Variants in ADAM12 observed in about 807,000 individuals in gnomAD.
ADAM12 encodes disintegrin and metalloproteinase domain-containing protein 12.
Under a neutral mutation model 106.4 loss-of-function variants are expected in ADAM12, and 70 were observed. The ratio of observed to expected loss-of-function variants is 0.66; its 90% CI spans 0.54 to 0.80. The LOEUF (loss-of-function observed/expected upper bound fraction) is 0.80, where lower values mean the gene tolerates loss of function less well. Ranked by LOEUF, ADAM12 falls within the 30% of genes least tolerant of loss-of-function variation. The pLI, the probability that ADAM12 is intolerant of heterozygous loss-of-function variation, is 0.00. For synonymous variants in ADAM12, 420 were observed against 433.5 expected (o/e 0.97, Z 0.39); for missense variants, 1,010 against 1,171.9 (o/e 0.86, Z 2.02).
At chr10:126,038,994 C>G (rs1954109382) in intron 19 of ADAM12, among the ~76,000 whole-genome samples, 1 of 118,318 alleles carries the variant, frequency 8.5e-6, no homozygotes, top group Non-Finnish European at 1.6e-5. Context: ...GAGTCTTGCT[C>G]TCTCGCCCAG....
intron 21 of ADAM12, among the ~76,000 whole-genome samples, chr10:126,032,852 A>T (rs1387924809): frequency 6.6e-6 from 1 of 152,194 alleles, no homozygotes; most frequent in Non-Finnish European, 1.5e-5. Flanking sequence ...ACTGTCAATA[A>T]ACAGAAGAAA....
chr10:126,190,642 A>G (rs1189171997), intron 3 of ADAM12, among the ~76,000 whole-genome samples: 1 of 152,178 alleles, frequency 6.6e-6, no homozygotes. Flanking sequence ...AAGAGTGTAC[A>G]TTACAGCCTG....
chr10:126,115,714 T>C (rs1459195221), intron 6 of ADAM12, among the ~76,000 whole-genome samples: 1 of 152,204 alleles, frequency 6.6e-6, no homozygotes, highest in Non-Finnish European at 1.5e-5. Flanking sequence ...CAAATGCAGT[T>C]GCTGCATTGC....
At position 126,232,245 on chromosome 10, in the gene ADAM12, G is replaced by A. The variant is rs191894863; in HGVS notation, c.260+46670C>T. Among the ~76,000 whole-genome samples, 611 of 152,236 alleles carry A rather than the reference G, an allele frequency of 4.0e-3. 4 individuals are homozygous for A. Among genetic ancestry groups the A allele is most frequent in the Non-Finnish European group, 6.9e-3 (470 of 68,028 alleles). On this transcript the variant is annotated intron_variant, in intron 3 of 22. Coordinates refer to ENST00000448723, the MANE Select transcript of ADAM12 (RefSeq NM_001288973.2). The stretch of plus-strand genomic sequence containing the variant: ...ATAAGAGACAAGCAGGAGGGTCAGA[G>A]TCAGAGAGAGAAATTAGAAGATGCC...
intron 5 of ADAM12, among the ~76,000 whole-genome samples, chr10:126,126,266 C>A (rs554948478): frequency 6.6e-6 from 1 of 152,234 alleles, no homozygotes; most frequent in African/African-American, 2.4e-5. Flanking sequence ...ACCTTCGAGG[C>A]TGATGAGTGA....
chr10:126,266,859 A>G (rs957799779), intron 3 of ADAM12, among the ~76,000 whole-genome samples: 25 of 152,160 alleles, frequency 1.6e-4, no homozygotes, highest in African/African-American at 5.6e-4. Flanking sequence ...CACCACGAGA[A>G]CAGCACTAGG....
At chr10:126,025,945 T>TAACA (rs1317641652) in intron 21 of ADAM12, among the ~76,000 whole-genome samples, 2 of 152,190 alleles carry the variant, frequency 1.3e-5, no homozygotes, top group African/African-American at 4.8e-5. Context: ...CCTATCAGAC[T>TAACA]AACAGCAGAC....
chr10:126,100,329 A>G (rs1323766721), intron 9 of ADAM12, among the ~76,000 whole-genome samples: 3 of 152,212 alleles, frequency 2.0e-5, no homozygotes, highest in Non-Finnish European at 4.4e-5. Context: ...CCCTCCAGGA[A>G]TCTGACAGTA....
At chr10:126,350,601 A>G (rs4357605) in intron 1 of ADAM12, among the ~76,000 whole-genome samples, 105,334 of 152,202 alleles carry the variant, frequency 0.69, 36,726 homozygotes, top group African/African-American at 0.75. Flanking sequence ...AGTGACCTGC[A>G]TGTGTGAGCA....
intron 3 of ADAM12, among the ~76,000 whole-genome samples, chr10:126,195,231 A>C (rs969924159): frequency 2.0e-5 from 3 of 152,206 alleles, no homozygotes; most frequent in Admixed American, 2.0e-4. Flanking sequence ...AATTGCTAAA[A>C]GAATAGATTT....
chr10:126,375,928 A>T (rs1157965454), intron 1 of ADAM12, among the ~76,000 whole-genome samples: 2 of 151,170 alleles, frequency 1.3e-5, no homozygotes, highest in Admixed American at 6.6e-5. Flanking sequence ...TTTTGTAGAA[A>T]TGGGGTGTCC....
At chr10:126,254,379 G>A (rs1958847777) in intron 3 of ADAM12, among the ~76,000 whole-genome samples, 1 of 152,194 alleles carries the variant, frequency 6.6e-6, no homozygotes, top group African/African-American at 2.4e-5. Context: ...CAAGTCATGT[G>A]CTCCCTCTGT....
chr10:126,233,112 A>G (rs1314978761), intron 3 of ADAM12, among the ~76,000 whole-genome samples: 1 of 152,176 alleles, frequency 6.6e-6, no homozygotes, highest in African/African-American at 2.4e-5. Context: ...GGAGATGTAC[A>G]CTTGGGCTTC....
chr10:126,382,823 A>G (rs766897932), intron 1 of ADAM12, among the ~76,000 whole-genome samples: 2 of 152,250 alleles, frequency 1.3e-5, no homozygotes, highest in Non-Finnish European at 2.9e-5. Flanking sequence ...TGACTAACAC[A>G]TTCAGAGTTA....
chr10:126,163,060 C>A (rs548606642), intron 3 of ADAM12, among the ~76,000 whole-genome samples: 2 of 152,176 alleles, frequency 1.3e-5, no homozygotes, highest in Non-Finnish European at 1.5e-5. Context: ...ATACGAGGTA[C>A]ATGTTTCCAC....
At chr10:126,074,431 T>G (rs1027303978) in intron 11 of ADAM12, among the ~76,000 whole-genome samples, 6 of 152,184 alleles carry the variant, frequency 3.9e-5, no homozygotes, top group South Asian at 2.1e-4. Flanking sequence ...TTGGGTTTTT[T>G]GGGGGTTTCC....
At chr10:126,305,779 T>G (rs894264251) in intron 2 of ADAM12, among the ~76,000 whole-genome samples, 1 of 152,104 alleles carries the variant, frequency 6.6e-6, no homozygotes, top group Non-Finnish European at 1.5e-5. Context: ...CTGAGTAGAA[T>G]TATGACCAGG....
intron 2 of ADAM12, among the ~76,000 whole-genome samples, chr10:126,324,809 T>C (rs1482555849): frequency 6.6e-6 from 1 of 152,072 alleles, no homozygotes; most frequent in Non-Finnish European, 1.5e-5. Context: ...GTACCTGTAA[T>C]TGATTGGAAG....
At chr10:126,033,286 C>T (rs1406560062) in intron 21 of ADAM12, among the ~76,000 whole-genome samples, 3 of 152,174 alleles carry the variant, frequency 2.0e-5, no homozygotes, top group South Asian at 4.1e-4. Context: ...GCCAGCATAC[C>T]ATTGGCTAAT....
Sources: allele counts gnomAD v4.1 joint callset (sites outside exome capture counted in the v4.1 genomes callset), GRCh38; gene constraint gnomAD v4.1.1; transcripts MANE v1.5; gene names NCBI Gene and HGNC (gene_info 2026-07-23, HGNC 2026-07-21).